GABRB1: variants seen among roughly 807,000 people sequenced by gnomAD.
The protein encoded by GABRB1 is gamma-aminobutyric acid receptor subunit beta-1.
A neutral mutation model predicts 51.6 loss-of-function variants in GABRB1; 17 were observed. The ratio of observed to expected loss-of-function variants is 0.33; its 90% CI spans 0.23 to 0.49. The LOEUF (loss-of-function observed/expected upper bound fraction) is 0.49, where lower values mean the gene tolerates loss of function less well. GABRB1 is among the 20% of genes least tolerant of loss of function. The probability of loss-of-function intolerance (pLI) is 0.99; values close to 1 mark genes in which losing one functional copy is unlikely to be tolerated. For missense variants in GABRB1, 410 were observed against 600.6 expected, an observed-to-expected ratio of 0.68 and a Z score of 3.32; for synonymous variants, 247 against 218.9, an observed-to-expected ratio of 1.13 and a Z score of -1.14.
intron 4 of GABRB1, among the ~76,000 whole-genome samples, chr4:47,241,233 T>C (rs1227703015): frequency 1.3e-5 from 2 of 152,048 alleles, no homozygotes; most frequent in Non-Finnish European, 2.9e-5. Context: ...ATGCTGAAAA[T>C]TACAATTTTC....
chr4:47,006,890 C>T (rs972027987), intron 1 of GABRB1, among the ~76,000 whole-genome samples: 1 of 152,186 alleles, frequency 6.6e-6, no homozygotes, highest in Non-Finnish European at 1.5e-5. Flanking sequence ...GATGGTGGCT[C>T]AAGCCTGGGA....
intron 4 of GABRB1, among the ~76,000 whole-genome samples, chr4:47,261,544 G>C (rs1269796461): frequency 1.3e-5 from 2 of 152,084 alleles, no homozygotes; most frequent in Non-Finnish European, 2.9e-5. Context: ...AATAAAAGAG[G>C]ATACAAAGAA....
chr4:47,004,803 G>A (rs1454150818), intron 1 of GABRB1, among the ~76,000 whole-genome samples: 1 of 152,140 alleles, frequency 6.6e-6, no homozygotes, highest in African/African-American at 2.4e-5. Context: ...ATTTGATTTC[G>A]TATCATCTAG....
chr4:47,354,980 GTTTTTTTTTT>G (rs71195627), intron 5 of GABRB1, among the ~76,000 whole-genome samples: 1 of 44,252 alleles, frequency 2.3e-5, no homozygotes, highest in South Asian at 7.8e-4. Context: ...TTCTTCCTTT[GTTTTTTTTTT>G]TTTTTTTTTT....
chr4:47,263,832 G>T (rs1722546010), intron 4 of GABRB1, among the ~76,000 whole-genome samples: 1 of 152,158 alleles, frequency 6.6e-6, no homozygotes, highest in Non-Finnish European at 1.5e-5. Context: ...CCTTAGAACT[G>T]AAGATAAGCT....
chr4:47,198,282 G>A (rs890028414), intron 4 of GABRB1, among the ~76,000 whole-genome samples: 2 of 152,126 alleles, frequency 1.3e-5, no homozygotes, highest in East Asian at 1.9e-4. Flanking sequence ...AAGGTAGTAT[G>A]GTACATGTTT....
intron 3 of GABRB1, among the ~76,000 whole-genome samples, chr4:47,118,174 A>G (rs1006674157): frequency 2.6e-5 from 4 of 152,068 alleles, no homozygotes; most frequent in Admixed American, 2.6e-4. Context: ...GTTAAAAACT[A>G]TGTTAATAAG....
chr4:47,074,021 T>C (rs529438521), intron 3 of GABRB1, among the ~76,000 whole-genome samples: 1 of 152,332 alleles, frequency 6.6e-6, no homozygotes, highest in South Asian at 2.1e-4. Context: ...CATTGGATTA[T>C]TTATAAGTTA....
At chr4:47,132,158 T>C (rs1716443441) in intron 3 of GABRB1, among the ~76,000 whole-genome samples, 1 of 152,198 alleles carries the variant, frequency 6.6e-6, no homozygotes, top group Non-Finnish European at 1.5e-5. Flanking sequence ...CTAGAAAGCG[T>C]CATTCAGATT....
chr4:47,414,889 T>G (rs1728864065), intron 8 of GABRB1, among the ~76,000 whole-genome samples: 1 of 152,192 alleles, frequency 6.6e-6, no homozygotes, highest in Non-Finnish European at 1.5e-5. Context: ...TGTCAGCCTT[T>G]GAGCCTGGGC....
chr4:47,020,904 C>T (rs1427566056), intron 1 of GABRB1, among the ~76,000 whole-genome samples: 1 of 152,206 alleles, frequency 6.6e-6, no homozygotes, highest in Admixed American at 6.5e-5. Flanking sequence ...CTGCCACTCA[C>T]TCTGCTCTAG....
intron 4 of GABRB1, among the ~76,000 whole-genome samples, chr4:47,206,896 A>ATG (rs1720149801): frequency 6.6e-6 from 1 of 151,602 alleles, no homozygotes; most frequent in Non-Finnish European, 1.5e-5. Flanking sequence ...ATATATGTAT[A>ATG]TGTGTGTGTG....
At chr4:47,341,172 G>A (rs1265384937) in intron 5 of GABRB1, among the ~76,000 whole-genome samples, 1 of 152,158 alleles carries the variant, frequency 6.6e-6, no homozygotes, top group Non-Finnish European at 1.5e-5. Flanking sequence ...ACAAGCTGTT[G>A]AGTCATTCAC....
chr4:47,368,621 C>T (rs892376184), intron 5 of GABRB1, among the ~76,000 whole-genome samples: 1 of 152,150 alleles, frequency 6.6e-6, no homozygotes, highest in Non-Finnish European at 1.5e-5. Flanking sequence ...CAGGCCCAAG[C>T]TCCCAGCACC....
intron 3 of GABRB1, among the ~76,000 whole-genome samples, chr4:47,118,889 A>G (rs181006640): frequency 6.6e-6 from 1 of 152,336 alleles, no homozygotes; most frequent in East Asian, 1.9e-4. Context: ...TAATGCAGGC[A>G]GGTGTCATAT....
intron 3 of GABRB1, among the ~76,000 whole-genome samples, chr4:47,044,474 T>G (rs982455663): frequency 2.6e-5 from 4 of 152,090 alleles, no homozygotes; most frequent in Non-Finnish European, 5.9e-5. Flanking sequence ...GTATAAATCT[T>G]GTGATTTACT....
At chr4:47,024,466 G>T (rs1033291897) in intron 1 of GABRB1, among the ~76,000 whole-genome samples, 1 of 151,942 alleles carries the variant, frequency 6.6e-6, no homozygotes, top group African/African-American at 2.4e-5. Context: ...TATTTATTCA[G>T]CTTTAGTATG....
intron 5 of GABRB1, among the ~76,000 whole-genome samples, chr4:47,350,280 T>TAG (rs1216149397): frequency 2.9e-4 from 41 of 143,618 alleles, no homozygotes; most frequent in Middle Eastern, 7.4e-3. Context: ...TATATATATA[T>TAG]ATATATAGAG....
In GABRB1 at chr4:47,395,496, T is replaced by C. The variant is rs116156198; in HGVS notation, c.545-7822T>C. On this transcript the variant is annotated intron_variant, in intron 5 of 8. Coordinates refer to ENST00000295454, the MANE Select transcript of GABRB1 (RefSeq NM_000812.4). ...TCCTCCCACACGTGGTGATTACAAT[T>C]CGAGATGAGATTTGGGTGGAGACAC... Among the ~76,000 whole-genome samples, 796 of 152,196 alleles carry C rather than the reference T, an allele frequency of 5.2e-3. 7 individuals are homozygous for C. Among genetic ancestry groups the C allele is most frequent in the African/African-American group, 0.018 (766 of 41,504 alleles).
Sources: allele counts gnomAD v4.1 joint callset (sites outside exome capture counted in the v4.1 genomes callset), GRCh38; gene constraint gnomAD v4.1.1; transcripts MANE v1.5; gene names NCBI Gene and HGNC (gene_info 2026-07-23, HGNC 2026-07-21).